The following FAT3 variants were observed in gnomAD, a reference collection of about 807,000 sequenced individuals.
FAT3 encodes the protein FAT atypical cadherin 3.
In FAT3, 95 loss-of-function variants were observed where a neutral mutation model predicts 310.2. That is an observed-to-expected ratio of 0.31 (90% confidence interval 0.26 to 0.36). The LOEUF (loss-of-function observed/expected upper bound fraction) is 0.36, where lower values mean the gene tolerates loss of function less well. Among genes scored for constraint, FAT3 ranks in the 10% least tolerant of loss-of-function variants. The pLI, the probability that FAT3 is intolerant of heterozygous loss-of-function variation, is 1.00. For synonymous variants in FAT3, 2,314 were observed against 2,192.9 expected (o/e 1.06, Z -1.54); for missense variants, 5,408 against 5,715.6 (o/e 0.95, Z 1.74).
rs1219881285 is a variant in FAT3, at chr11:92,893,642, G to A, written c.*2529G>A. The A allele has an allele frequency of 6.6e-6, 1 of 152,186 alleles. No individual in the cohort carries two copies. The highest frequency in any genetic ancestry group is 2.4e-5 in the African/African-American group (1 of 41,440). The allele number at this position is 152,186 out of a possible 1,614,324, so 9.4% of individuals were successfully genotyped here. ...AAGAAAATTGTGCCCACCCTTTGCT[G>A]TGACCTATATAAAATATCTCTTTCT... On this transcript the variant is annotated 3_prime_UTR_variant, in exon 28 of 28. Transcript: ENST00000525166.
chr11:92,815,461 T>C (rs1230965983), intron 13 of FAT3, among the ~76,000 whole-genome samples: 1 of 151,998 alleles, frequency 6.6e-6, no homozygotes, highest in Non-Finnish European at 1.5e-5. Context: ...TAGTCCCAGC[T>C]ACTTGGGAGG....
In FAT3 at chr11:92,895,853, T is replaced by C. The variant is rs927120828; in HGVS notation, c.*4740T>C. 2 of 152,116 alleles carry C rather than the reference T, an allele frequency of 1.3e-5. No homozygotes were observed. Among genetic ancestry groups the C allele is most frequent in the Admixed American group, 6.5e-5 (1 of 15,272 alleles). The allele number at this position is 152,116 out of a possible 1,614,324, so 9.4% of individuals were successfully genotyped here. On this transcript the variant is annotated 3_prime_UTR_variant, in exon 28 of 28. Coordinates refer to ENST00000525166, the MANE Select transcript of FAT3 (RefSeq NM_001367949.2). ...ATATTTGATGCCTATCAGGATGCTTTAATTTGGGGGGTCGAATATAATTGT... is the reference window on the plus strand; with the variant it reads ...ATATTTGATGCCTATCAGGATGCTTCAATTTGGGGGGTCGAATATAATTGT...
intron 2 of FAT3, among the ~76,000 whole-genome samples, chr11:92,420,787 AAC>A (rs1950519075): frequency 6.6e-6 from 1 of 152,184 alleles, no homozygotes; most frequent in Non-Finnish European, 1.5e-5. Flanking sequence ...CTCCCAAAGG[AAC>A]ACTTGATTCC....
At chr11:92,263,509 G>A (rs1267751966) in intron 1 of FAT3, among the ~76,000 whole-genome samples, 1 of 151,842 alleles carries the variant, frequency 6.6e-6, no homozygotes, top group African/African-American at 2.4e-5. Flanking sequence ...TCCTTCCTCT[G>A]AAATTTTCTT....
intron 2 of FAT3, among the ~76,000 whole-genome samples, chr11:92,407,688 A>T (rs1206344366): frequency 6.6e-6 from 1 of 152,206 alleles, no homozygotes; most frequent in Admixed American, 6.6e-5. Context: ...GCTAAATTTC[A>T]TGACTTTGGG....
At position 92,798,333 on chromosome 11, in the gene FAT3, T is replaced by C. The variant is rs1947231941; in HGVS notation, c.5320T>C (p.Tyr1774His). The C allele has an allele frequency of 1.9e-6, 3 of 1,613,778 alleles. No individual in the cohort carries two copies. The highest frequency in any genetic ancestry group is 2.5e-6 in the Non-Finnish European group (3 of 1,179,794). Residue 1774 changes from tyrosine (Y) to histidine (H), a missense_variant, in exon 10 of 28, where the codon TAC (tyrosine) becomes CAC (histidine). Around this residue, in one of 5 missense-constraint regions of FAT3, gnomAD observed 4,588 missense variants for 4,809.8 expected, o/e 0.95. Coordinates refer to ENST00000525166, the MANE Select transcript of FAT3 (RefSeq NM_001367949.2). The part of the protein sequence containing the change: ...DNAPVFLFSQ[Y>H]SGSLSEAAPI... ...TGCCCCAGTTTTTCTCTTTTCTCAA[T>C]ACTCAGGCAGCCTAAGTGAGGCTGC...
At chr11:92,499,154 C>A (rs1287482721) in intron 2 of FAT3, among the ~76,000 whole-genome samples, 1 of 152,056 alleles carries the variant, frequency 6.6e-6, no homozygotes, top group East Asian at 1.9e-4. Context: ...TACTACACAA[C>A]CTCTGACCTT....
intron 2 of FAT3, among the ~76,000 whole-genome samples, chr11:92,439,884 C>G (rs1211598629): frequency 6.6e-6 from 1 of 151,650 alleles, no homozygotes; most frequent in East Asian, 1.9e-4. Flanking sequence ...CCACTGCACT[C>G]CATCCTGGAT....
intron 2 of FAT3, among the ~76,000 whole-genome samples, chr11:92,515,599 G>A (rs1953453342): frequency 6.6e-6 from 1 of 152,086 alleles, no homozygotes; most frequent in Non-Finnish European, 1.5e-5. Context: ...TAAAGTTTGA[G>A]AAGAGAATTT....
chr11:92,295,006 G>T (rs924345619), intron 1 of FAT3, among the ~76,000 whole-genome samples: 1 of 152,000 alleles, frequency 6.6e-6, no homozygotes, highest in Non-Finnish European at 1.5e-5. Context: ...TCCTTTAAAG[G>T]TCTTTCTGAT....
At chr11:92,400,537 G>A (rs1396019918) in intron 2 of FAT3, 2 of 151,940 alleles carry the variant, frequency 1.3e-5, no homozygotes, top group Non-Finnish European at 1.5e-5. Context: ...CTGTAGTTTG[G>A]CAATAAAAGG....
intron 21 of FAT3, 109 bp downstream of exon 21, chr11:92,859,431 G>A (rs1292305561): frequency 8.6e-7 from 1 of 1,162,222 alleles, no homozygotes; most frequent in Admixed American, 3.0e-5. Flanking sequence ...CAGAAGACCA[G>A]AAGCAGACTT....
intron 24 of FAT3, among the ~76,000 whole-genome samples, chr11:92,885,644 A>G (rs1474442299): frequency 6.6e-6 from 1 of 152,168 alleles, no homozygotes; most frequent in Non-Finnish European, 1.5e-5. Flanking sequence ...AATCTTGCCA[A>G]TCCACTAGCT....
rs548381838 is a variant in FAT3 at position 92,298,467 on chromosome 11, T to G, written c.-17-53629T>G. Among the ~76,000 whole-genome samples, 65 of 152,234 alleles carry G rather than the reference T, an allele frequency of 4.3e-4. 1 individual carries two copies. The highest frequency in any genetic ancestry group is 1.5e-3 in the African/African-American group (62 of 41,568). ...ACAGTCACATCTCCTTTATGTGTCT[T>G]AGCTTTCTAGTTTCCAAACTAATAT... is the stretch of plus-strand genomic sequence containing the variant. On this transcript the variant is annotated intron_variant, in intron 1 of 27. Coordinates refer to ENST00000525166, the MANE Select transcript of FAT3 (RefSeq NM_001367949.2).
intron 2 of FAT3, among the ~76,000 whole-genome samples, chr11:92,462,401 T>G (rs1353982772): frequency 6.6e-6 from 1 of 152,138 alleles, no homozygotes; most frequent in South Asian, 2.1e-4. Context: ...TTGCTCCCAC[T>G]TCTAAGTGAG....
intron 8 of FAT3, among the ~76,000 whole-genome samples, chr11:92,790,938 C>T (rs1394184779): frequency 6.6e-6 from 1 of 152,200 alleles, no homozygotes; most frequent in East Asian, 1.9e-4. Context: ...TCAGAGCCCC[C>T]ACTGTGTTCC....
intron 3 of FAT3, among the ~76,000 whole-genome samples, chr11:92,562,494 A>T (rs1226914399): frequency 6.6e-6 from 1 of 152,194 alleles, no homozygotes; most frequent in East Asian, 1.9e-4. Flanking sequence ...CACAATGTGT[A>T]TAGGTCAGGG....
rs1949829137 is a variant in FAT3, at chr11:92,394,755, T to C, written c.3292+39351T>C. On this transcript the variant is annotated intron_variant, in intron 2 of 27. Coordinates refer to ENST00000525166, the MANE Select transcript of FAT3 (RefSeq NM_001367949.2). ...TTGAATCTACAGTCTTTCCATTTTC[T>C]TGGACAATTTAAAATTAATAGGAAA... Among the ~76,000 whole-genome samples, 3 of 152,180 alleles carry C rather than the reference T, an allele frequency of 2.0e-5. No homozygotes were observed. The South Asian group carries it at 6.2e-4, about 32-fold the overall frequency.
intron 1 of FAT3, among the ~76,000 whole-genome samples, chr11:92,335,562 C>A (rs981837695): frequency 6.6e-6 from 1 of 152,108 alleles, no homozygotes; most frequent in Admixed American, 6.5e-5. Context: ...AGTACCATCC[C>A]TAAAGAAGGC....
Sources: gnomAD v4.1 joint callset for allele counts (sites outside exome capture counted in the v4.1 genomes callset) on GRCh38, gnomAD v4.1.1 for gene constraint, gnomAD v4.1.1 regional missense constraint, MANE v1.5 for transcripts, NCBI Gene and HGNC (gene_info 2026-07-23, HGNC 2026-07-21) for gene names.